The following CEP78 variants were observed in gnomAD, a reference collection of about 807,000 sequenced individuals.
CEP78 encodes the protein centrosomal protein of 78 kDa.
Under a neutral mutation model 81.2 loss-of-function variants are expected in CEP78, and 76 were observed. The ratio of observed to expected loss-of-function variants is 0.94; its 90% CI spans 0.78 to 1.13. The LOEUF is 1.13. CEP78 is among the 50% of genes most tolerant of loss of function. CEP78 has a pLI of 0.00. For synonymous variants in CEP78, 293 were observed against 301.4 expected, an observed-to-expected ratio of 0.97 and a Z score of 0.29; for missense variants, 918 against 846.8, an observed-to-expected ratio of 1.08 and a Z score of -1.04.
rs191162881 is a variant in CEP78 at position 78,277,821 on chromosome 9, T to C, written c.*6970T>C. The C allele has an allele frequency of 6.6e-6, 1 of 152,266 alleles. No homozygotes were observed. Among genetic ancestry groups the C allele is most frequent in the Admixed American group, 6.5e-5 (1 of 15,288 alleles). 9.4% of individuals were successfully genotyped at this position (152,266 alleles called of 1,614,324 possible). ...AATAAAAAACTAGAAACAGCATAAA[T>C]GTACAGAAATGCAGAAATTGTTGAA... On this transcript the variant is annotated 3_prime_UTR_variant, in exon 17 of 17. Coordinates refer to ENST00000643273, the MANE Select transcript of CEP78 (RefSeq NM_001330691.3).
intron 11 of CEP78, 84 bp from the exon 12 acceptor site, chr9:78,262,823 C>G (rs1587602377): frequency 1.3e-6 from 1 of 767,538 alleles, no homozygotes; most frequent in South Asian, 1.9e-5. Flanking sequence ...TGTCCCTAAA[C>G]ACTTGGTGAG....
intron 6 of CEP78, 125 bp downstream of exon 6, chr9:78,246,907 C>CT (rs1826518576): frequency 1.8e-6 from 1 of 540,582 alleles, no homozygotes; most frequent in African/African-American, 2.0e-5. Flanking sequence ...TAATCTTGCA[C>CT]TTTCTTATGT....
intron 5 of CEP78, among the ~76,000 whole-genome samples, chr9:78,244,323 T>G (rs1826380833): frequency 6.6e-6 from 1 of 152,068 alleles, no homozygotes; most frequent in South Asian, 2.1e-4. Flanking sequence ...AGACAGGGTC[T>G]TGCTGTGTTG....
At position 78,243,586 on chromosome 9, in the gene CEP78, T is replaced by G; in HGVS notation, c.728T>G (p.Leu243Arg). 6.2e-7 allele frequency: 1 copy of G among 1,613,914 alleles called. No homozygotes were observed. The highest frequency in any genetic ancestry group is 8.5e-7 in the Non-Finnish European group (1 of 1,179,828). Residue 243 changes from leucine to arginine, a missense_variant, in exon 5 of 17, where the codon CTA becomes CGA. Transcript: ENST00000643273. The part of the protein sequence containing the change: ...TLNCNTLIGD[L>R]GACAFADSLS... ...AATTGCAACACACTTATTGGTGACC[T>G]AGGTGCATGTGCTTTTGCAGACTCT...
chr9:78,240,503 T>C (rs1826176193), intron 3 of CEP78, 139 bp downstream of exon 3: 2 of 729,724 alleles, frequency 2.7e-6, no homozygotes, highest in South Asian at 3.4e-5. Context: ...GTCTCAAGTC[T>C]ACCATGAAAG....
At chr9:78,250,268 G>A in intron 8 of CEP78, 1 of 398,180 alleles carries the variant, frequency 2.5e-6, no homozygotes, top group East Asian at 3.6e-5. Context: ...ACAGAGGTAA[G>A]CCAAATCAGT....
In CEP78 at chr9:78,274,229, G is replaced by A. The variant is rs1827756853; in HGVS notation, c.*3378G>A. 6.6e-6 allele frequency: 1 copy of A among 152,218 alleles called. No individual in the cohort carries two copies. The highest frequency in any genetic ancestry group is 2.1e-4 in the South Asian group (1 of 4,830). The allele number at this position is 152,218 out of a possible 1,614,324, so 9.4% of individuals were successfully genotyped here. On this transcript the variant is annotated 3_prime_UTR_variant, in exon 17 of 17. Transcript: ENST00000643273. ...CTGAGTGAAAAAGCCAGTCTCGGAAGGCTACATTCTGTATGATTCCATTTA... is the reference window on the plus strand; with the variant it reads ...CTGAGTGAAAAAGCCAGTCTCGGAAAGCTACATTCTGTATGATTCCATTTA...
chr9:78,250,336 G>A (rs913643685), intron 8 of CEP78: 12 of 398,014 alleles, frequency 3.0e-5, no homozygotes, highest in Non-Finnish European at 4.4e-5. Context: ...TATAATTTAT[G>A]TAAATTATGT....
intron 5 of CEP78, among the ~76,000 whole-genome samples, chr9:78,244,119 T>C (rs1178855724): frequency 1.3e-5 from 2 of 151,204 alleles, no homozygotes; most frequent in Non-Finnish European, 3.0e-5. Context: ...TACATCTCTG[T>C]GTCCATTGAA....
At chr9:78,239,912 A>G (rs1826139329) in intron 1 of CEP78, 111 bp from the exon 2 acceptor site, 2 of 857,856 alleles carry the variant, frequency 2.3e-6, no homozygotes, top group Middle Eastern at 3.5e-4. Flanking sequence ...GTCTGTGCTT[A>G]AGAGGACTTT....
chr9:78,241,572 T>C (rs1013027234), intron 3 of CEP78, 124 bp from the exon 4 acceptor site: 5 of 520,878 alleles, frequency 9.6e-6, no homozygotes, highest in Admixed American at 3.6e-5. Flanking sequence ...AGGTAGATTG[T>C]AAATAGTGAT....
chr9:78,243,516 AGACCT>A lies in CEP78; in HGVS notation c.661_665del (p.Pro221SerfsTer2). On this transcript the variant is annotated frameshift_variant, in exon 5 of 17. Coordinates refer to ENST00000643273, the MANE Select transcript of CEP78 (RefSeq NM_001330691.3). LOFTEE classifies it high-confidence loss of function. ...CTGGGCTGAGAGTCTTCGCTATAGGAGACCTGATCTTGACTGTATGGCTGGCTTAA... is the reference window on the plus strand; with the variant it reads ...CTGGGCTGAGAGTCTTCGCTATAGGAGATCTTGACTGTATGGCTGGCTTAA... The A allele has an allele frequency of 1.9e-6, 3 of 1,613,848 alleles. No individual in the cohort carries two copies. Among genetic ancestry groups the A allele is most frequent in the Non-Finnish European group, 2.5e-6 (3 of 1,179,800 alleles).
intron 13 of CEP78, among the ~76,000 whole-genome samples, chr9:78,264,813 TTG>T (rs1827441268): frequency 6.6e-6 from 1 of 152,202 alleles, no homozygotes; most frequent in Non-Finnish European, 1.5e-5. Flanking sequence ...AAAATTAAGT[TTG>T]AGATATTAAA....
At chr9:78,262,024 T>G (rs1466182391) in intron 11 of CEP78, among the ~76,000 whole-genome samples, 1 of 152,136 alleles carries the variant, frequency 6.6e-6, no homozygotes. Context: ...AATTTGCCCT[T>G]TTATCTTAAA....
At chr9:78,268,969 C>G (rs1476665683) in intron 16 of CEP78, among the ~76,000 whole-genome samples, 1 of 152,100 alleles carries the variant, frequency 6.6e-6, no homozygotes, top group African/African-American at 2.4e-5. Flanking sequence ...GGTTTCTTTA[C>G]AGTAGTACTT....
rs1205859277 is a variant in CEP78, at chr9:78,265,369, C to G, written c.1626-3C>G. 1.9e-6 allele frequency: 3 copies of G among 1,572,020 alleles called. No individual in the cohort carries two copies. In the South Asian group the frequency reaches 3.6e-5, roughly 19 times the overall value. ...CTTTTCCTCCTTTTCTTCTCTCGAC[C>G]AGGCTTGGGCAGCTTGCCACAATGG... On this transcript the variant is annotated splice_region_variant and splice_polypyrimidine_tract_variant and intron_variant, in intron 13 of 16. Coordinates refer to ENST00000643273, the MANE Select transcript of CEP78 (RefSeq NM_001330691.3).
At position 78,265,419 on chromosome 9, in the gene CEP78, A is replaced by G; in HGVS notation, c.1673A>G (p.Gln558Arg). Residue 558 changes from glutamine (Q) to arginine (R), a missense_variant, in exon 14 of 17, where the codon CAA becomes CGA. Coordinates refer to ENST00000643273, the MANE Select transcript of CEP78 (RefSeq NM_001330691.3). ...TMAGIDQSDF[Q>R]LLGHPQMTST... ...GCTGGGATAGATCAGTCAGATTTTC[A>G]ATTACTAGGTCATCCCCAGATGACT... 2.5e-6 allele frequency: 4 copies of G among 1,606,128 alleles called. No homozygotes were observed. The highest frequency in any genetic ancestry group is 3.4e-6 in the Non-Finnish European group (4 of 1,176,434).
chr9:78,248,487 AG>A, intron 7 of CEP78, 132 bp downstream of exon 7: 1 of 671,352 alleles, frequency 1.5e-6, no homozygotes, highest in South Asian at 1.8e-5. Context: ...CTTCCTAGGT[AG>A]CTAGGACTGT....
rs1299633453 is a variant in CEP78, at chr9:78,246,745, T to C, written c.855T>C (p.Thr285=). The change falls in exon 6 of 17, where the codon ACT becomes ACC. Residue 285 remains threonine, a synonymous_variant. Transcript: ENST00000643273. The part of the protein sequence containing the change: ...ALLEALETNT[T]LVVLDIRKNP... ...TAGAGGCCCTTGAAACCAATACAAC[T>C]CTGGTCGTTCTGGATATAAGAAAAA... The C allele has an allele frequency of 1.2e-6, 2 of 1,609,016 alleles. No homozygotes were observed. Among genetic ancestry groups the C allele is most frequent in the African/African-American group, 1.3e-5 (1 of 74,606 alleles).
Sources: allele counts gnomAD v4.1 joint callset (sites outside exome capture counted in the v4.1 genomes callset), GRCh38; gene constraint gnomAD v4.1.1; transcripts MANE v1.5; gene names NCBI Gene and HGNC (gene_info 2026-07-23, HGNC 2026-07-21).